Variants in PREX1 observed in about 807,000 individuals in gnomAD.
The protein encoded by PREX1 is phosphatidylinositol 3,4,5-trisphosphate-dependent Rac exchanger 1 protein.
Under a neutral mutation model 198.3 loss-of-function variants are expected in PREX1, and 41 were observed. The ratio of observed to expected loss-of-function variants is 0.21; its 90% CI spans 0.16 to 0.27. The LOEUF (loss-of-function observed/expected upper bound fraction) is 0.27, where lower values mean the gene tolerates loss of function less well. Ranked by LOEUF, PREX1 falls within the 10% of genes least tolerant of loss-of-function variation. The pLI is 1.00. For synonymous variants in PREX1, 843 were observed against 887.2 expected (o/e 0.95, Z 0.89); for missense variants, 1,620 against 2,200.7 (o/e 0.74, Z 5.28).
At chr20:48,828,320 G>GC (rs552752530), upstream of PREX1, among the ~76,000 whole-genome samples, 3,704 of 151,806 alleles carry the variant, frequency 0.024, 63 homozygotes, top group Middle Eastern at 0.031. Context: ...GACGCGTGGC[G>GC]CCCCCCCAAC....
chr20:48,867,192 A>G, the PREX1 span, among the ~76,000 whole-genome samples: 6 of 152,218 alleles, frequency 3.9e-5, no homozygotes, highest in African/African-American at 1.2e-4. Flanking sequence ...GAATTGTTCA[A>G]GGAGAAATCA....
At position 48,660,047 on chromosome 20, in the gene PREX1, C is replaced by T. The variant is rs1255720059; in HGVS notation, c.1753G>A (p.Glu585Lys). The change falls in exon 16 of 40, where the codon GAG becomes AAG. Residue 585 changes from glutamate (E) to lysine (K), a missense_variant. Physicochemically the swap from Glu to Lys is moderately conservative, Grantham distance 56 (BLOSUM62 1). This residue lies in a region of PREX1 where 488 missense variants were observed against 802.5 expected (regional missense o/e 0.61). Transcript: ENST00000371941. ...GFMHHVLEKS[E>K]FRDESQYFRF... ...AAGTACTGGGACTCATCCCTGAACT[C>T]GCTCTTCTCCAGCACTGCAGATCCA... The T allele has an allele frequency of 1.9e-6, 3 of 1,614,172 alleles. No individual in the cohort carries two copies. The highest frequency in any genetic ancestry group is 1.7e-5 in the Admixed American group (1 of 60,028).
At chr20:48,681,575 C>CATGG (rs2089750925) in intron 10 of PREX1, among the ~76,000 whole-genome samples, 1 of 150,330 alleles carries the variant, frequency 6.7e-6, no homozygotes, top group Non-Finnish European at 1.5e-5. Flanking sequence ...TGGATGGATG[C>CATGG]ATGGATGGAT....
intron 4 of PREX1, among the ~76,000 whole-genome samples, chr20:48,730,381 G>A (rs1006756229): frequency 1.3e-5 from 2 of 151,642 alleles, no homozygotes; most frequent in Non-Finnish European, 2.9e-5. Context: ...CCCACAGAGC[G>A]ATCCTACAGA....
At chr20:48,657,425 G>A (rs1167498460) in intron 17 of PREX1, among the ~76,000 whole-genome samples, 1 of 152,232 alleles carries the variant, frequency 6.6e-6, no homozygotes, top group African/African-American at 2.4e-5. Flanking sequence ...TCCTCCTGAG[G>A]GGAAACTCTG....
chr20:48,710,768 T>TCC (rs2089926790), intron 5 of PREX1, among the ~76,000 whole-genome samples: 2 of 152,188 alleles, frequency 1.3e-5, no homozygotes, highest in Admixed American at 6.5e-5. Context: ...GAAGCTTGAA[T>TCC]GAGGTGAGGC....
intron 7 of PREX1, among the ~76,000 whole-genome samples, chr20:48,697,946 C>T (rs2089855481): frequency 6.6e-6 from 1 of 152,226 alleles, no homozygotes; most frequent in South Asian, 2.1e-4. Flanking sequence ...CAGGCAAGGA[C>T]AAACACAGTC....
intron 1 of PREX1, among the ~76,000 whole-genome samples, chr20:48,823,699 G>C (rs1025741394): frequency 4.6e-5 from 7 of 152,222 alleles, no homozygotes; most frequent in African/African-American, 1.4e-4. Flanking sequence ...ACAGGAGGAA[G>C]CGCAGGCGGA....
At chr20:48,713,992 A>G (rs1409848455) in intron 5 of PREX1, among the ~76,000 whole-genome samples, 1 of 152,244 alleles carries the variant, frequency 6.6e-6, no homozygotes, top group East Asian at 1.9e-4. Context: ...TAAATGGACA[A>G]AAGAACTGTC....
chr20:48,751,193 AACG>A (rs1449006253), intron 1 of PREX1, among the ~76,000 whole-genome samples: 1 of 152,134 alleles, frequency 6.6e-6, no homozygotes, highest in Non-Finnish European at 1.5e-5. Context: ...CTGTTTTTGA[AACG>A]ACAATGAGCG....
intron 5 of PREX1, among the ~76,000 whole-genome samples, chr20:48,724,416 G>A (rs142428887): frequency 2.5e-4 from 38 of 152,294 alleles, no homozygotes; most frequent in Admixed American, 5.2e-4. Flanking sequence ...GCACAGGGAC[G>A]GATAGTGACT....
intron 5 of PREX1, among the ~76,000 whole-genome samples, chr20:48,716,279 C>T (rs2089962095): frequency 6.6e-6 from 1 of 152,186 alleles, no homozygotes; most frequent in Non-Finnish European, 1.5e-5. Flanking sequence ...CCTGGGCTTC[C>T]GCGAGATGCC....
chr20:48,827,998 CT>C lies in PREX1; in HGVS notation c.-139del. On this transcript the variant is annotated 5_prime_UTR_variant, in exon 1 of 40. Transcript: ENST00000371941. This position sits in a 1 kb window ranked among gnomAD's most constrained non-coding sequence, Gnocchi z 4.1. ...CGGGCTCCCGGCGCGGCGGGCGGGA[CT>C]GGGGGCCGGGCGGCTGGGCCGGGGG... The C allele has an allele frequency of 1.0e-5, 2 of 197,816 alleles. No homozygotes were observed. The highest frequency in any genetic ancestry group is 3.2e-4 in the South Asian group (2 of 6,308). 12.3% of individuals were successfully genotyped at this position (197,816 alleles called of 1,614,324 possible).
At chr20:48,669,924 A>G (rs564786541) in intron 14 of PREX1, among the ~76,000 whole-genome samples, 5 of 152,166 alleles carry the variant, frequency 3.3e-5, no homozygotes, top group Non-Finnish European at 7.3e-5. Flanking sequence ...CTCTTTACCC[A>G]TGAATTCCGA....
chr20:48,844,126 C>T, the PREX1 span, among the ~76,000 whole-genome samples: 1 of 149,496 alleles, frequency 6.7e-6, no homozygotes, highest in Non-Finnish European at 1.5e-5. Context: ...GGCAACACAG[C>T]AAGACCCTGT....
At chr20:48,879,145 A>G in the PREX1 span, among the ~76,000 whole-genome samples, 1 of 152,186 alleles carries the variant, frequency 6.6e-6, no homozygotes, top group African/African-American at 2.4e-5. Flanking sequence ...AGTCACTTGT[A>G]ACCAAGAGAC....
chr20:48,640,879 A>ATGGGAGGG (rs2089404477), intron 29 of PREX1, among the ~76,000 whole-genome samples: 1 of 8,376 alleles, frequency 1.2e-4, no homozygotes, highest in Admixed American at 1.5e-3. Context: ...AGATGGATGG[A>ATGGGAGGG]TGGGTGGGTG....
At chr20:48,630,091 G>A (rs962196516) in intron 36 of PREX1, among the ~76,000 whole-genome samples, 1 of 152,220 alleles carries the variant, frequency 6.6e-6, no homozygotes, top group African/African-American at 2.4e-5. Context: ...AGTCCCAAAC[G>A]GCTGTGCCCA....
rs767753810 is a variant in PREX1, at chr20:48,679,343, T to C, written c.1589+17A>G. On this transcript the variant is annotated intron_variant, in intron 13 of 39. Transcript: ENST00000371941. Reference sequence around the variant, plus strand: ...AAGAGGTAGAGGTGAAATTGGAGCTTGGAAAGAGTAACTTACTTGATCACC... The same window carrying C: ...AAGAGGTAGAGGTGAAATTGGAGCTCGGAAAGAGTAACTTACTTGATCACC... The C allele has an allele frequency of 2.5e-6, 4 of 1,607,764 alleles. No individual in the cohort carries two copies. In the Admixed American group the frequency reaches 6.7e-5, roughly 27 times the overall value.
Sources: gnomAD v4.1 joint callset for allele counts (sites outside exome capture counted in the v4.1 genomes callset) on GRCh38, gnomAD v4.1.1 for gene constraint, gnomAD v4.1.1 regional missense constraint, Gnocchi (gnomAD v3.1) non-coding constraint, MANE v1.5 for transcripts, NCBI Gene and HGNC (gene_info 2026-07-23, HGNC 2026-07-21) for gene names.